IL12RB2: variants seen among roughly 807,000 people sequenced by gnomAD.
IL12RB2 encodes the protein interleukin 12 receptor subunit beta 2.
A neutral mutation model predicts 89.4 loss-of-function variants in IL12RB2; 82 were observed. The ratio of observed to expected loss-of-function variants is 0.92; its 90% confidence interval spans 0.77 to 1.10. The LOEUF is 1.10. Ranked by LOEUF, IL12RB2 falls within the 50% of genes least tolerant of loss-of-function variation. The pLI is 0.00. For synonymous variants in IL12RB2, 368 were observed against 370.1 expected (o/e 0.99, Z 0.07); for missense variants, 963 against 1,031.9 (o/e 0.93, Z 0.92).
At chr1:67,378,848 CAAAAAAAAAAAAA>C (rs56260019) in intron 13 of IL12RB2, among the ~76,000 whole-genome samples, 1 of 91,902 alleles carries the variant, frequency 1.1e-5, no homozygotes, top group South Asian at 3.5e-4. Context: ...AGACTCTTCT[CAAAAAAAAAAAAA>C]AAAAAAAAAA....
chr1:67,329,856 A>G, intron 7 of IL12RB2, 127 bp downstream of exon 7: 1 of 748,770 alleles, frequency 1.3e-6, no homozygotes, highest in Non-Finnish European at 2.4e-6. Context: ...ACACGAGAGA[A>G]TTATCAGAAA....
At chr1:67,318,022 AG>A (rs771225614) in intron 2 of IL12RB2, among the ~76,000 whole-genome samples, 2 of 152,158 alleles carry the variant, frequency 1.3e-5, no homozygotes, top group African/African-American at 2.4e-5. Flanking sequence ...GTGGTCAGGG[AG>A]GGGCTGTCTG....
At chr1:67,336,047 T>C (rs572881732) in intron 8 of IL12RB2, among the ~76,000 whole-genome samples, 1 of 151,724 alleles carries the variant, frequency 6.6e-6, no homozygotes, top group Non-Finnish European at 1.5e-5. Flanking sequence ...TGTACTGCTG[T>C]GGTACAAGTC....
intron 16 of IL12RB2, among the ~76,000 whole-genome samples, chr1:67,390,610 A>C (rs950040587): frequency 2.0e-5 from 3 of 152,216 alleles, no homozygotes; most frequent in South Asian, 4.2e-4. Context: ...AAGCCAGTAC[A>C]TCATTCCATT....
intron 10 of IL12RB2, among the ~76,000 whole-genome samples, chr1:67,355,854 A>G (rs1661337966): frequency 6.6e-6 from 1 of 152,206 alleles, no homozygotes; most frequent in Admixed American, 6.5e-5. Context: ...ACATCATGAG[A>G]GAGGAAATTC....
intron 16 of IL12RB2, among the ~76,000 whole-genome samples, chr1:67,394,654 A>G (rs922933791): frequency 4.6e-5 from 7 of 152,200 alleles, no homozygotes; most frequent in Non-Finnish European, 1.0e-4. Flanking sequence ...AGTTCTCTCA[A>G]GGCACAAACA....
chr1:67,371,064 G>T (rs999339669), intron 11 of IL12RB2, among the ~76,000 whole-genome samples: 2 of 152,244 alleles, frequency 1.3e-5, no homozygotes, highest in Admixed American at 1.3e-4. Context: ...GGGCAGAACA[G>T]CCAGGCACTG....
At chr1:67,345,322 C>G (rs1026350954) in intron 9 of IL12RB2, among the ~76,000 whole-genome samples, 1 of 152,186 alleles carries the variant, frequency 6.6e-6, no homozygotes, top group African/African-American at 2.4e-5. Context: ...CCCCGTATAC[C>G]AATTTACGGC....
At chr1:67,377,297 C>T (rs1664087912) in intron 13 of IL12RB2, among the ~76,000 whole-genome samples, 1 of 152,160 alleles carries the variant, frequency 6.6e-6, no homozygotes, top group Non-Finnish European at 1.5e-5. Context: ...TGCAAGACAT[C>T]TCTGACTTGC....
chr1:67,344,097 C>T (rs1194473225), intron 9 of IL12RB2, among the ~76,000 whole-genome samples: 6 of 151,980 alleles, frequency 3.9e-5, no homozygotes, highest in South Asian at 2.1e-4. Context: ...TGGTTGAGCT[C>T]GCCTAGTGGA....
chr1:67,309,796 T>G (rs1453265432), intron 1 of IL12RB2, among the ~76,000 whole-genome samples: 1 of 152,214 alleles, frequency 6.6e-6, no homozygotes, highest in East Asian at 1.9e-4. Flanking sequence ...ATTTTTGTAT[T>G]GCTGCACCTG....
At chr1:67,367,699 CTTT>C in intron 10 of IL12RB2, 123 bp from the exon 11 acceptor site, 1 of 735,528 alleles carries the variant, frequency 1.4e-6, no homozygotes, top group Non-Finnish European at 2.5e-6. Flanking sequence ...ACTCCAAAGT[CTTT>C]AAAAGTAAAC....
Position 67,386,358 on chromosome 1 carries a change from C to T in IL12RB2, c.1856-221C>T, listed in dbSNP as rs540318118. Among the ~76,000 whole-genome samples, 47 of 152,204 alleles carry T rather than the reference C, an allele frequency of 3.1e-4. No homozygotes were observed. In the South Asian group the frequency reaches 3.5e-3, roughly 11 times the overall value. On this transcript the variant is annotated intron_variant, in intron 14 of 16. Coordinates refer to ENST00000674203, the MANE Select transcript of IL12RB2 (RefSeq NM_001374259.2). The stretch of plus-strand genomic sequence containing the variant: ...CTCCTTTCTTTCTGACCCTGTGAGT[C>T]GGAGGAGCCCTGTAGGGCCAGAGCT...
At chr1:67,310,824 A>G (rs1377344095) in intron 1 of IL12RB2, among the ~76,000 whole-genome samples, 3 of 152,178 alleles carry the variant, frequency 2.0e-5, no homozygotes, top group Non-Finnish European at 2.9e-5. Flanking sequence ...TCCCGGGTTC[A>G]GGTGATTCTC....
intron 10 of IL12RB2, among the ~76,000 whole-genome samples, chr1:67,360,656 C>T (rs186108554): frequency 1.1e-3 from 167 of 151,716 alleles, no homozygotes; most frequent in African/African-American, 3.9e-3. Context: ...ATTAGCTAGG[C>T]GTAGTGGCAC....
At chr1:67,323,139 A>C (rs1656801814) in intron 4 of IL12RB2, among the ~76,000 whole-genome samples, 2 of 149,242 alleles carry the variant, frequency 1.3e-5, no homozygotes, top group Admixed American at 6.6e-5. Context: ...GTGACCTATA[A>C]GGATATATAT....
chr1:67,323,589 G>A (rs145543017), intron 4 of IL12RB2, among the ~76,000 whole-genome samples: 41 of 152,276 alleles, frequency 2.7e-4, no homozygotes, highest in Middle Eastern at 3.4e-3. Flanking sequence ...GGCAACAAGA[G>A]TCCTGACTAC....
chr1:67,344,711 T>C (rs909831646), intron 9 of IL12RB2, among the ~76,000 whole-genome samples: 1 of 152,240 alleles, frequency 6.6e-6, no homozygotes, highest in African/African-American at 2.4e-5. Context: ...TTTCAAAAAC[T>C]GGTGAGTCTA....
At position 67,320,575 on chromosome 1, in the gene IL12RB2, A is replaced by G. The variant is rs1017624864; in HGVS notation, c.76+131A>G. 4.1e-5 allele frequency: 61 copies of G among 1,503,840 alleles called. 1 individual carries two copies. In the South Asian group the frequency reaches 6.4e-4, roughly 16 times the overall value. The allele number at this position is 1,503,840 out of a possible 1,614,324, so 93.2% of individuals were successfully genotyped here. ...TAGTCAATCTCTGTCATTTAAGTGGATAAGTCTGGTTCTGTCTATAACTAA... is the reference window on the plus strand; with the variant it reads ...TAGTCAATCTCTGTCATTTAAGTGGGTAAGTCTGGTTCTGTCTATAACTAA... On this transcript the variant is annotated intron_variant, in intron 3 of 16. Coordinates refer to ENST00000674203, the MANE Select transcript of IL12RB2 (RefSeq NM_001374259.2).
Sources: gnomAD v4.1 joint callset for allele counts (sites outside exome capture counted in the v4.1 genomes callset) on GRCh38, gnomAD v4.1.1 for gene constraint, MANE v1.5 for transcripts, NCBI Gene and HGNC (gene_info 2026-07-23, HGNC 2026-07-21) for gene names.